TVP23C: variants seen among roughly 807,000 people sequenced by gnomAD.
TVP23C encodes Golgi apparatus membrane protein TVP23 homolog C.
In TVP23C, 19 loss-of-function variants were observed where a neutral mutation model predicts 28.7. The observed-to-expected ratio is 0.66, with a 90% CI of 0.46 to 0.97. The LOEUF (loss-of-function observed/expected upper bound fraction) is 0.97. Ranked by LOEUF, TVP23C falls within the 50% of genes least tolerant of loss-of-function variation. The probability of loss-of-function intolerance (pLI) is 0.00; values close to 1 mark genes in which losing one functional copy is unlikely to be tolerated. For missense variants in TVP23C, 186 were observed against 241.3 expected (o/e 0.77, Z 1.52); for synonymous variants, 68 against 81.7 (o/e 0.83, Z 0.90).
chr17:15,524,322 T>C (rs1165553041), intron 5 of TVP23C, among the ~76,000 whole-genome samples: 2 of 152,182 alleles, frequency 1.3e-5, no homozygotes, highest in African/African-American at 4.8e-5. Flanking sequence ...AATATGAGTT[T>C]TTCCTGTTTG....
At chr17:15,529,151 T>C (rs1313279852) in intron 5 of TVP23C, among the ~76,000 whole-genome samples, 1 of 152,090 alleles carries the variant, frequency 6.6e-6, no homozygotes, top group Admixed American at 6.6e-5. Flanking sequence ...TATTAATAAT[T>C]ATTAAGAGTA....
intron 5 of TVP23C, among the ~76,000 whole-genome samples, chr17:15,506,031 C>T (rs1041875194): frequency 1.3e-5 from 2 of 152,258 alleles, no homozygotes; most frequent in African/African-American, 2.4e-5. Context: ...CCCTGCTCCA[C>T]AGCGCCCAGT....
chr17:15,514,337 A>T (rs185149343), intron 5 of TVP23C, among the ~76,000 whole-genome samples: 1 of 151,956 alleles, frequency 6.6e-6, no homozygotes, highest in Admixed American at 6.5e-5. Context: ...TCAATCTTTA[A>T]AAATGAATCT....
intron 5 of TVP23C, among the ~76,000 whole-genome samples, chr17:15,543,232 T>C: frequency 6.9e-6 from 1 of 145,882 alleles, no homozygotes; most frequent in African/African-American, 2.5e-5. Flanking sequence ...CAACTCCAGC[T>C]CAGAGCAGCA....
intron 1 of TVP23C, among the ~76,000 whole-genome samples, chr17:15,561,060 A>C (rs1984360435): frequency 6.6e-6 from 1 of 152,218 alleles, no homozygotes; most frequent in Non-Finnish European, 1.5e-5. Context: ...TCATAAAAGA[A>C]TATGAGACCC....
chr17:15,514,964 AG>A (rs1486028966), intron 5 of TVP23C, among the ~76,000 whole-genome samples: 1 of 152,140 alleles, frequency 6.6e-6, no homozygotes, highest in Non-Finnish European at 1.5e-5. Context: ...TTTACAGGTT[AG>A]GGGCATCTTT....
chr17:15,525,216 G>C (rs1982669869), intron 5 of TVP23C, among the ~76,000 whole-genome samples: 1 of 152,218 alleles, frequency 6.6e-6, no homozygotes, highest in Non-Finnish European at 1.5e-5. Flanking sequence ...TGTTTATTGA[G>C]TGCCATTAGG....
rs1981670796 is a variant in TVP23C, at chr17:15,505,235, T to A, written c.463-2003A>T. Among the ~76,000 whole-genome samples the A allele has an allele frequency of 2.0e-5, 3 of 152,140 alleles. No homozygotes were observed. The South Asian group carries it at 6.2e-4, about 32-fold the overall frequency. On this transcript the variant is annotated intron_variant, in intron 5 of 5. Transcript: ENST00000225576. ...CCTGCATGTCAGTGTTTAGAAAATA[T>A]CCAGACTATATGTCTTTCCAATATT...
chr17:15,537,728 T>C lies in TVP23C; in HGVS notation c.*2684A>G, dbSNP rs1320598497. 4 of 997,074 alleles carry C rather than the reference T, an allele frequency of 4.0e-6. No individual in the cohort carries two copies. Among genetic ancestry groups the C allele is most frequent in the Non-Finnish European group, 2.4e-6 (2 of 837,696 alleles). The allele number at this position is 997,074 out of a possible 1,614,324, so 61.8% of individuals were successfully genotyped here. ...CTGAAAACAATCTACAGAAATAATATGTAAACATATAGAGCTTTGAGACAG... is the reference window on the plus strand; with the variant it reads ...CTGAAAACAATCTACAGAAATAATACGTAAACATATAGAGCTTTGAGACAG... On this transcript the variant is annotated 3_prime_UTR_variant, in exon 6 of 6. Transcript: ENST00000518321.
At position 15,537,782 on chromosome 17, in the gene TVP23C, A is replaced by C. The variant is rs184571343; in HGVS notation, c.*2630T>G. The C allele has an allele frequency of 7.5e-3, 8,069 of 1,077,428 alleles. 41 individuals carry two copies. Among genetic ancestry groups the C allele is most frequent in the Non-Finnish European group, 8.5e-3 (7,601 of 889,756 alleles). 66.7% of individuals were successfully genotyped at this position (1,077,428 alleles called of 1,614,324 possible). ...AAGAACATCCTCCTATGTTCTATGG[A>C]TCAAAATGCAAAGGTCTCCATTATC... On this transcript the variant is annotated 3_prime_UTR_variant, in exon 6 of 6. Transcript: ENST00000518321.
At chr17:15,525,773 G>A (rs1333752255) in intron 5 of TVP23C, among the ~76,000 whole-genome samples, 14 of 152,158 alleles carry the variant, frequency 9.2e-5, no homozygotes, top group Non-Finnish European at 1.9e-4. Context: ...GTGTATGATT[G>A]GGGAAACTGC....
chr17:15,540,215 T>C lies in TVP23C; in HGVS notation c.*197A>G, dbSNP rs532849179. ...TTAAAAAATAAGTTATTATCAATGATAGTTTATCCTTCCTGGCTTTAAAAT... is the reference window on the plus strand; with the variant it reads ...TTAAAAAATAAGTTATTATCAATGACAGTTTATCCTTCCTGGCTTTAAAAT... On this transcript the variant is annotated 3_prime_UTR_variant, in exon 6 of 6. Transcript: ENST00000518321. The C allele has an allele frequency of 6.1e-3, 7,673 of 1,264,820 alleles. 430 individuals are homozygous for C. In the African/African-American group the frequency reaches 0.11, roughly 18 times the overall value. The allele number at this position is 1,264,820 out of a possible 1,614,324, so 78.3% of individuals were successfully genotyped here. A position where few individuals can be genotyped will look rare whatever the true frequency, so the allele number is the denominator to read the frequency against.
downstream of TVP23C, among the ~76,000 whole-genome samples, chr17:15,535,750 A>G (rs141027584): frequency 1.4e-3 from 217 of 152,356 alleles, 3 homozygotes; most frequent in East Asian, 0.04. Context: ...TTGTTAGTAC[A>G]ATATGGAAAG....
chr17:15,507,631 G>A (rs1981815943), intron 5 of TVP23C, among the ~76,000 whole-genome samples: 1 of 152,210 alleles, frequency 6.6e-6, no homozygotes, highest in African/African-American at 2.4e-5. Context: ...GAGGTCAGGA[G>A]ATCGAGACCA....
intron 5 of TVP23C, among the ~76,000 whole-genome samples, chr17:15,541,368 C>T (rs532207256): frequency 2.6e-5 from 4 of 152,166 alleles, no homozygotes; most frequent in Non-Finnish European, 5.9e-5. Context: ...GTTGCAATTA[C>T]TCAACTCTGC....
At chr17:15,521,106 A>C (rs1247865218) in intron 5 of TVP23C, among the ~76,000 whole-genome samples, 1 of 152,034 alleles carries the variant, frequency 6.6e-6, no homozygotes, top group Admixed American at 6.6e-5. Context: ...AGAAGATTCA[A>C]TATTACAAAG....
chr17:15,530,212 TTTTGA>T (rs1324448041), intron 5 of TVP23C, among the ~76,000 whole-genome samples: 3 of 152,242 alleles, frequency 2.0e-5, no homozygotes, highest in Admixed American at 6.5e-5. Flanking sequence ...ATCTTATGTC[TTTTGA>T]TTTAATTTCT....
In TVP23C at chr17:15,540,382, A is replaced by C. The variant is rs947003577; in HGVS notation, c.*30T>G. 2.0e-5 allele frequency: 31 copies of C among 1,553,508 alleles called. No homozygotes were observed. Among genetic ancestry groups the C allele is most frequent in the Non-Finnish European group, 2.4e-5 (27 of 1,144,500 alleles). On this transcript the variant is annotated 3_prime_UTR_variant, in exon 6 of 6. Coordinates refer to ENST00000518321, the MANE Select transcript of TVP23C (RefSeq NM_001135036.2). The stretch of plus-strand genomic sequence containing the variant: ...AGCGTTTCATAAAAATTAAACTATG[A>C]AAGTTAGAAATAATTGCATTAGTCA...
intron 5 of TVP23C, among the ~76,000 whole-genome samples, chr17:15,525,670 GTGTGTGTGTGCA>G (rs1401788264): frequency 1.3e-5 from 2 of 152,148 alleles, no homozygotes; most frequent in Admixed American, 6.5e-5. Flanking sequence ...CTCTCCGTGT[GTGTGTGTGTGCA>G]TGTGTGTGTG....
Sources: allele counts gnomAD v4.1 joint callset (sites outside exome capture counted in the v4.1 genomes callset), GRCh38; gene constraint gnomAD v4.1.1; transcripts MANE v1.5; gene names NCBI Gene and HGNC (gene_info 2026-07-23, HGNC 2026-07-21).